Variants in PPP2R2B observed in about 807,000 individuals in gnomAD.
The protein encoded by PPP2R2B is serine/threonine-protein phosphatase 2A 55 kDa regulatory subunit B beta isoform.
In PPP2R2B, 5 loss-of-function variants were observed where a neutral mutation model predicts 46.0. That is an observed-to-expected ratio of 0.11 (90% CI 0.06 to 0.23). The LOEUF is 0.23. PPP2R2B is among the 10% of genes least tolerant of loss of function. The pLI is 1.00. For missense variants in PPP2R2B, 367 were observed against 575.0 expected (o/e 0.64, Z 3.70); for synonymous variants, 215 against 206.7 (o/e 1.04, Z -0.34).
intron 1 of PPP2R2B, among the ~76,000 whole-genome samples, chr5:147,038,344 G>A (rs1171841234): frequency 1.3e-5 from 2 of 152,058 alleles, no homozygotes; most frequent in African/African-American, 2.4e-5. Context: ...TTTGATGGAG[G>A]AATACTATAT....
At chr5:146,686,281 G>A (rs1471365254) in intron 5 of PPP2R2B, among the ~76,000 whole-genome samples, 1 of 152,166 alleles carries the variant, frequency 6.6e-6, no homozygotes, top group African/African-American at 2.4e-5. Flanking sequence ...GTGAAGAGGA[G>A]GCAGACAGCG....
At chr5:146,684,599 C>G (rs1778374602) in intron 5 of PPP2R2B, among the ~76,000 whole-genome samples, 1 of 152,188 alleles carries the variant, frequency 6.6e-6, no homozygotes, top group African/African-American at 2.4e-5. Context: ...CTGTATGCCT[C>G]AAAGGATCCT....
chr5:146,677,639 C>T (rs1777828572), intron 5 of PPP2R2B, among the ~76,000 whole-genome samples: 1 of 150,936 alleles, frequency 6.6e-6, no homozygotes, highest in South Asian at 2.1e-4. Context: ...GTAGTTCTCC[C>T]ACTGTAGCCT....
At chr5:147,049,299 A>T (rs745923277) in intron 1 of PPP2R2B, among the ~76,000 whole-genome samples, 1 of 152,132 alleles carries the variant, frequency 6.6e-6, no homozygotes, top group Non-Finnish European at 1.5e-5. Context: ...GATGGCTCCA[A>T]TGTTTTTGTC....
intron 2 of PPP2R2B, among the ~76,000 whole-genome samples, chr5:147,078,136 T>C (rs1161082699): frequency 6.6e-6 from 1 of 152,326 alleles, no homozygotes; most frequent in Admixed American, 6.5e-5. Context: ...AATGTAGGAA[T>C]AAAAATTCTT....
intron 1 of PPP2R2B, among the ~76,000 whole-genome samples, chr5:147,012,536 G>A (rs1043668567): frequency 1.3e-5 from 2 of 152,018 alleles, no homozygotes; most frequent in African/African-American, 4.8e-5. Context: ...CCAGCTCCTG[G>A]ATTCATTAAT....
At chr5:146,915,827 A>G (rs1034372612) in intron 1 of PPP2R2B, among the ~76,000 whole-genome samples, 3 of 152,156 alleles carry the variant, frequency 2.0e-5, no homozygotes, top group Non-Finnish European at 2.9e-5. Flanking sequence ...TTTAAAAATC[A>G]TTAACCAAGA....
chr5:147,024,001 G>C (rs1357139667), intron 1 of PPP2R2B, among the ~76,000 whole-genome samples: 1 of 152,200 alleles, frequency 6.6e-6, no homozygotes, highest in Non-Finnish European at 1.5e-5. Flanking sequence ...CTGGGGCTCG[G>C]AGTTCCATCA....
chr5:146,755,008 G>A (rs2151243143), intron 2 of PPP2R2B, among the ~76,000 whole-genome samples: 1 of 152,310 alleles, frequency 6.6e-6, no homozygotes, highest in African/African-American at 2.4e-5. Context: ...GTTATTTCAA[G>A]TCACTGTTCA....
At chr5:147,073,928 T>A (rs1580887086) in intron 2 of PPP2R2B, among the ~76,000 whole-genome samples, 1 of 151,094 alleles carries the variant, frequency 6.6e-6, no homozygotes, top group African/African-American at 2.4e-5. Flanking sequence ...CCCAGCTACT[T>A]AGGAGGCTGA....
chr5:146,629,727 C>T (rs1250709476), intron 7 of PPP2R2B, among the ~76,000 whole-genome samples: 2 of 151,802 alleles, frequency 1.3e-5, no homozygotes, highest in Non-Finnish European at 2.9e-5. Flanking sequence ...TTCTCCCTCC[C>T]TCTCTTCCTC....
At chr5:147,000,341 A>G (rs1754113905) in intron 1 of PPP2R2B, among the ~76,000 whole-genome samples, 1 of 152,006 alleles carries the variant, frequency 6.6e-6, no homozygotes, top group African/African-American at 2.4e-5. Flanking sequence ...AGGGCTCTTC[A>G]AGTTTGAACT....
chr5:147,035,636 C>T (rs543767795), intron 1 of PPP2R2B, among the ~76,000 whole-genome samples: 2 of 152,244 alleles, frequency 1.3e-5, no homozygotes, highest in East Asian at 1.9e-4. Context: ...AACAAAATTA[C>T]ATGCAAAGTA....
intron 1 of PPP2R2B, among the ~76,000 whole-genome samples, chr5:147,034,386 C>A (rs1036100754): frequency 4.6e-5 from 7 of 152,094 alleles, no homozygotes; most frequent in African/African-American, 1.7e-4. Flanking sequence ...TTATTCATTA[C>A]CATTTTCCCA....
intron 5 of PPP2R2B, among the ~76,000 whole-genome samples, chr5:146,687,409 G>A (rs553235745): frequency 6.6e-6 from 1 of 152,122 alleles, no homozygotes; most frequent in Admixed American, 6.5e-5. Context: ...TTTGTTAAAT[G>A]GGCATTTTAA....
intron 7 of PPP2R2B, among the ~76,000 whole-genome samples, chr5:146,636,047 G>A (rs1212511815): frequency 2.0e-5 from 3 of 152,098 alleles, no homozygotes; most frequent in African/African-American, 7.2e-5. Flanking sequence ...CACCATTCTT[G>A]ATCTAGGTTC....
chr5:146,636,994 C>T lies in PPP2R2B; in HGVS notation c.790+1257G>A, dbSNP rs369993049. On this transcript the variant is annotated intron_variant, in intron 7 of 9. Coordinates refer to ENST00000394411, the MANE Select transcript of PPP2R2B (RefSeq NM_181675.4). ...TCTGCCTTCCCTGTGAGGTCTGTTT[C>T]AAATGTCTCAACCGTCTCTGAATGG... 5.4e-4 allele frequency among the ~76,000 whole-genome samples: 83 copies of T among 152,304 alleles called. No individual in the cohort carries two copies. The South Asian group carries it at 0.016, about 30-fold the overall frequency.
chr5:146,770,859 T>C (rs1754810371), intron 2 of PPP2R2B, among the ~76,000 whole-genome samples: 1 of 152,128 alleles, frequency 6.6e-6, no homozygotes. Context: ...GCAGAGGGGA[T>C]TTGCAGCTCT....
At chr5:147,024,128 G>C (rs1261400782) in intron 1 of PPP2R2B, among the ~76,000 whole-genome samples, 3 of 151,848 alleles carry the variant, frequency 2.0e-5, no homozygotes, top group Non-Finnish European at 4.4e-5. Flanking sequence ...AATTGCGTGA[G>C]CCAATTCTCA....
Sources: gnomAD v4.1 joint callset for allele counts (sites outside exome capture counted in the v4.1 genomes callset) on GRCh38, gnomAD v4.1.1 for gene constraint, MANE v1.5 for transcripts, NCBI Gene and HGNC (gene_info 2026-07-23, HGNC 2026-07-21) for gene names.